ENTREP2: variants seen among roughly 807,000 people sequenced by gnomAD.
ENTREP2 encodes the protein protein ENTREP2.
the ENTREP2 span, among the ~76,000 whole-genome samples, chr15:29,214,270 C>A: frequency 6.6e-6 from 1 of 152,170 alleles, no homozygotes; most frequent in Non-Finnish European, 1.5e-5. Context: ...TTCACAATAG[C>A]AAAGGCTTGG....
the ENTREP2 span, chr15:29,381,833 TG>T: frequency 6.4e-7 from 1 of 1,551,536 alleles, no homozygotes; most frequent in Non-Finnish European, 8.7e-7. Flanking sequence ...CAGCAGCACC[TG>T]GAAGGACAAA....
chr15:29,137,110 C>T, the ENTREP2 span: 11 of 1,469,878 alleles, frequency 7.5e-6, no homozygotes, highest in Admixed American at 1.5e-4. Flanking sequence ...GGGATGAACT[C>T]GTCGAAATCC....
the ENTREP2 span, among the ~76,000 whole-genome samples, chr15:29,616,271 T>A: frequency 6.6e-6 from 1 of 152,196 alleles, no homozygotes; most frequent in Non-Finnish European, 1.5e-5. Context: ...AAGGGGACGA[T>A]GACCCCTTGG....
chr15:29,407,843 T>G, the ENTREP2 span, among the ~76,000 whole-genome samples: 5,695 of 142,360 alleles, frequency 0.04, 351 homozygotes, highest in African/African-American at 0.14. Context: ...TTTTTTGGGG[T>G]TTTTTTTGCA....
chr15:29,657,093 G>A, the ENTREP2 span, among the ~76,000 whole-genome samples: 2 of 152,052 alleles, frequency 1.3e-5, no homozygotes, highest in Admixed American at 6.6e-5. Flanking sequence ...TGTTCCTCAC[G>A]CCAGAGGGCA....
the ENTREP2 span, among the ~76,000 whole-genome samples, chr15:29,600,443 CATCATCAT>C: frequency 0.06 from 8,542 of 142,898 alleles, 438 homozygotes; most frequent in African/African-American, 0.16. Context: ...CTCCCACCAT[CATCATCAT>C]CATCATCATC....
chr15:29,221,321 C>T, the ENTREP2 span, among the ~76,000 whole-genome samples: 1 of 152,130 alleles, frequency 6.6e-6, no homozygotes, highest in Non-Finnish European at 1.5e-5. Context: ...CCTGCCTCAG[C>T]CTCCCAAGTA....
At chr15:29,297,051 T>A in the ENTREP2 span, among the ~76,000 whole-genome samples, 1 of 151,962 alleles carries the variant, frequency 6.6e-6, no homozygotes, top group South Asian at 2.1e-4. Flanking sequence ...ATAAAAAATC[T>A]TAAAAACAAA....
chr15:29,184,727 A>C, the ENTREP2 span, among the ~76,000 whole-genome samples: 4 of 152,088 alleles, frequency 2.6e-5, no homozygotes, highest in African/African-American at 9.7e-5. Context: ...GCGCAAAATA[A>C]TACTAGTAGG....
chr15:29,275,569 CT>C, the ENTREP2 span, among the ~76,000 whole-genome samples: 14 of 152,182 alleles, frequency 9.2e-5, no homozygotes, highest in African/African-American at 3.1e-4. Context: ...AATCAAAAGT[CT>C]TTGAGGCAAA....
chr15:29,406,897 G>A, the ENTREP2 span, among the ~76,000 whole-genome samples: 1 of 151,954 alleles, frequency 6.6e-6, no homozygotes, highest in African/African-American at 2.4e-5. Context: ...ATTCAGTATT[G>A]GCATTATTAT....
the ENTREP2 span, among the ~76,000 whole-genome samples, chr15:29,202,716 A>G: frequency 6.6e-6 from 1 of 151,924 alleles, no homozygotes; most frequent in Non-Finnish European, 1.5e-5. Context: ...ACTCCTACTT[A>G]TGAGTGAGAA....
chr15:29,344,709 C>T, the ENTREP2 span, among the ~76,000 whole-genome samples: 1 of 152,012 alleles, frequency 6.6e-6, no homozygotes, highest in Non-Finnish European at 1.5e-5. Context: ...ACACTGGGCA[C>T]TCAGACTGCA....
the ENTREP2 span, chr15:29,269,716 G>A: frequency 6.0e-6 from 9 of 1,509,432 alleles, no homozygotes; most frequent in Admixed American, 1.7e-4. Flanking sequence ...GTCTCCGGCG[G>A]CAGGTGCCGG....
the ENTREP2 span, among the ~76,000 whole-genome samples, chr15:29,341,644 A>G: frequency 5.8e-4 from 89 of 152,306 alleles, no homozygotes; most frequent in African/African-American, 2.1e-3. Context: ...GGGAGTGGCG[A>G]GGAAGCAAAG....
the ENTREP2 span, among the ~76,000 whole-genome samples, chr15:29,406,622 G>A: frequency 6.6e-6 from 1 of 151,946 alleles, no homozygotes; most frequent in Non-Finnish European, 1.5e-5. Context: ...CATTTTTTCT[G>A]ATCTAGTCAT....
the ENTREP2 span, chr15:29,265,744 T>G: frequency 6.6e-6 from 1 of 152,216 alleles, no homozygotes; most frequent in Non-Finnish European, 1.5e-5. Flanking sequence ...TGCTACAAAA[T>G]ACTGAGTGTC....
chr15:29,498,475 T>G, the ENTREP2 span, among the ~76,000 whole-genome samples: 1 of 152,214 alleles, frequency 6.6e-6, no homozygotes. Flanking sequence ...TTCATGATAC[T>G]ATGATCAGAA....
chr15:29,302,261 G>C, the ENTREP2 span, among the ~76,000 whole-genome samples: 1 of 152,128 alleles, frequency 6.6e-6, no homozygotes, highest in South Asian at 2.1e-4. Context: ...TGCATACCAA[G>C]ATTTTAAAAA....
Sources: allele counts gnomAD v4.1 joint callset (sites outside exome capture counted in the v4.1 genomes callset), GRCh38; gene constraint gnomAD v4.1.1; transcripts MANE v1.5; gene names NCBI Gene and HGNC (gene_info 2026-07-23, HGNC 2026-07-21).